The following RBFOX1 variants were observed in gnomAD, a reference collection of about 807,000 sequenced individuals.
The protein encoded by RBFOX1 is RNA binding protein fox-1 homolog 1.
A neutral mutation model predicts 57.7 loss-of-function variants in RBFOX1; 8 were observed. That is an observed-to-expected ratio of 0.14 (90% confidence interval 0.08 to 0.25). The LOEUF (loss-of-function observed/expected upper bound fraction) is 0.25, where lower values mean the gene tolerates loss of function less well. RBFOX1 is among the 10% of genes least tolerant of loss of function. The pLI is 1.00. For synonymous variants in RBFOX1, 326 were observed against 222.4 expected, an observed-to-expected ratio of 1.47 and a Z score of -4.15; for missense variants, 611 against 548.5, an observed-to-expected ratio of 1.11 and a Z score of -1.14.
At chr16:5,667,518 C>T (rs1482304316) in intron 3 of RBFOX1, among the ~76,000 whole-genome samples, 2 of 152,172 alleles carry the variant, frequency 1.3e-5, no homozygotes, top group East Asian at 1.9e-4. Flanking sequence ...TGTGAGTGAG[C>T]GAGGTCCATT....
At chr16:6,780,566 ATATATT>A (rs559548609) in intron 3 of RBFOX1, among the ~76,000 whole-genome samples, 3,042 of 131,976 alleles carry the variant, frequency 0.023, 150 homozygotes, top group African/African-American at 0.084. Context: ...ACATATTTAT[ATATATT>A]TATATATATA....
At chr16:6,826,481 C>G (rs996651322) in intron 3 of RBFOX1, among the ~76,000 whole-genome samples, 1 of 152,144 alleles carries the variant, frequency 6.6e-6, no homozygotes, top group East Asian at 1.9e-4. Context: ...AGAAAATAAC[C>G]TAGAACAGTG....
intron 2 of RBFOX1, among the ~76,000 whole-genome samples, chr16:6,618,977 C>G (rs564170787): frequency 6.6e-6 from 1 of 152,216 alleles, no homozygotes; most frequent in Admixed American, 6.5e-5. Context: ...TATTTATAGT[C>G]CAGAGTGGGA....
At chr16:5,580,157 C>G (rs1046530984) in intron 2 of RBFOX1, among the ~76,000 whole-genome samples, 9 of 152,238 alleles carry the variant, frequency 5.9e-5, no homozygotes, top group Non-Finnish European at 1.2e-4. Flanking sequence ...TCGTTCCCAG[C>G]TGCCTCCCTT....
At chr16:7,304,910 GGTGTGGTGTGT>G (rs753672142) in intron 4 of RBFOX1, among the ~76,000 whole-genome samples, 5 of 126,110 alleles carry the variant, frequency 4.0e-5, no homozygotes, top group East Asian at 2.5e-4. Context: ...TGTGGTGTGT[GGTGTGGTGTGT>G]GTGTGTGTGT....
At chr16:5,764,541 T>C (rs544310356) in intron 3 of RBFOX1, among the ~76,000 whole-genome samples, 2 of 152,218 alleles carry the variant, frequency 1.3e-5, no homozygotes, top group Non-Finnish European at 2.9e-5. Flanking sequence ...ACAGCTTCCC[T>C]GATTTCTCTA....
chr16:5,734,103 C>G (rs1305533155), intron 3 of RBFOX1, among the ~76,000 whole-genome samples: 1 of 152,154 alleles, frequency 6.6e-6, no homozygotes, highest in Non-Finnish European at 1.5e-5. Context: ...ATCCTTACGC[C>G]CTACCTGGTT....
At chr16:6,633,537 C>T (rs2098407078) in intron 2 of RBFOX1, among the ~76,000 whole-genome samples, 1 of 152,082 alleles carries the variant, frequency 6.6e-6, no homozygotes, top group Admixed American at 6.6e-5. Flanking sequence ...CAAGTGATCC[C>T]CCCACCTGGG....
At chr16:5,814,586 G>C (rs954066525) in intron 3 of RBFOX1, among the ~76,000 whole-genome samples, 1 of 152,194 alleles carries the variant, frequency 6.6e-6, no homozygotes, top group Non-Finnish European at 1.5e-5. Context: ...CAGCGGTAGA[G>C]AGCCTATCTT....
intron 2 of RBFOX1, among the ~76,000 whole-genome samples, chr16:6,611,676 T>C (rs1308996465): frequency 3.3e-5 from 5 of 152,354 alleles, no homozygotes; most frequent in South Asian, 2.1e-4. Flanking sequence ...AGAGCAAGGA[T>C]GATTCCGGCT....
intron 4 of RBFOX1, among the ~76,000 whole-genome samples, chr16:5,920,022 C>T: frequency 6.6e-6 from 1 of 152,232 alleles, no homozygotes; most frequent in East Asian, 1.9e-4. Flanking sequence ...CAAGCTCCGC[C>T]TCCGGGCTTC....
At chr16:5,244,296 G>A (rs536520567) in intron 1 of RBFOX1, among the ~76,000 whole-genome samples, 1 of 152,330 alleles carries the variant, frequency 6.6e-6, no homozygotes, top group African/African-American at 2.4e-5. Context: ...ATGCACTGGT[G>A]CGGTGCAGAG....
At chr16:6,617,141 G>C (rs571648157) in intron 2 of RBFOX1, among the ~76,000 whole-genome samples, 2 of 152,104 alleles carry the variant, frequency 1.3e-5, no homozygotes, top group South Asian at 2.1e-4. Context: ...AGTGGTACAA[G>C]GAGAGGTCCT....
At chr16:6,939,782 G>C (rs542028930) in intron 3 of RBFOX1, among the ~76,000 whole-genome samples, 1 of 152,214 alleles carries the variant, frequency 6.6e-6, no homozygotes, top group African/African-American at 2.4e-5. Context: ...ATAGTGCTGG[G>C]ATTACAGATG....
intron 3 of RBFOX1, among the ~76,000 whole-genome samples, chr16:5,767,263 T>C (rs78341136): frequency 0.017 from 2,546 of 152,330 alleles, 85 homozygotes; most frequent in African/African-American, 0.058. Context: ...GTTATTTTCC[T>C]GACTTCAGGG....
chr16:5,404,676 C>T (rs1157667055), intron 1 of RBFOX1, among the ~76,000 whole-genome samples: 1 of 152,198 alleles, frequency 6.6e-6, no homozygotes, highest in Non-Finnish European at 1.5e-5. Context: ...TGCTGTTGTG[C>T]ATACCTGGGG....
intron 4 of RBFOX1, among the ~76,000 whole-genome samples, chr16:7,058,006 G>GAAAAAA (rs61023664): frequency 3.7e-5 from 5 of 136,636 alleles, no homozygotes; most frequent in Admixed American, 1.5e-4. Context: ...AGACTGTGGG[G>GAAAAAA]AAAAAAAAAA....
chr16:6,146,569 G>A (rs1438076523), intron 1 of RBFOX1, among the ~76,000 whole-genome samples: 1 of 152,066 alleles, frequency 6.6e-6, no homozygotes, highest in Non-Finnish European at 1.5e-5. Context: ...ACTGATACTG[G>A]CATTTTCTGC....
At chr16:7,584,914 G>A (rs971640348) in intron 6 of RBFOX1, among the ~76,000 whole-genome samples, 8 of 152,148 alleles carry the variant, frequency 5.3e-5, no homozygotes, top group African/African-American at 1.9e-4. Flanking sequence ...GACCACTTCA[G>A]GGCAGCTGAT....
Sources: gnomAD v4.1 joint callset for allele counts (sites outside exome capture counted in the v4.1 genomes callset) on GRCh38, gnomAD v4.1.1 for gene constraint, MANE v1.5 for transcripts, NCBI Gene and HGNC (gene_info 2026-07-23, HGNC 2026-07-21) for gene names.